The following VWC2L variants were observed in gnomAD, a reference collection of about 807,000 sequenced individuals.
VWC2L encodes von Willebrand factor C domain containing 2 like.
In VWC2L, 10 loss-of-function variants were observed where a neutral mutation model predicts 21.6. The ratio of observed to expected loss-of-function variants is 0.46; its 90% CI spans 0.29 to 0.78. The LOEUF (loss-of-function observed/expected upper bound fraction) is 0.78, where lower values mean the gene tolerates loss of function less well. Among genes scored for constraint, VWC2L ranks in the 30% least tolerant of loss-of-function variants. VWC2L has a pLI of 0.10. For missense variants in VWC2L, 209 were observed against 277.1 expected, an observed-to-expected ratio of 0.75 and a Z score of 1.74; for synonymous variants, 96 against 94.3, an observed-to-expected ratio of 1.02 and a Z score of -0.10.
chr2:214,514,895 T>C (rs1013441105), intron 3 of VWC2L, among the ~76,000 whole-genome samples: 1 of 152,232 alleles, frequency 6.6e-6, no homozygotes, highest in African/African-American at 2.4e-5. Flanking sequence ...AATTTGGGCT[T>C]TGTGCAGACT....
chr2:214,538,792 G>A (rs1032616663), intron 3 of VWC2L, among the ~76,000 whole-genome samples: 4 of 151,820 alleles, frequency 2.6e-5, no homozygotes, highest in East Asian at 3.9e-4. Context: ...TTTTGATACC[G>A]TACTTTGTCA....
intron 3 of VWC2L, among the ~76,000 whole-genome samples, chr2:214,514,774 G>T (rs1487839589): frequency 6.6e-6 from 1 of 152,126 alleles, no homozygotes. Context: ...TCACTTTTTG[G>T]TGAAAATGTG....
At chr2:214,556,472 A>G (rs888710508) in intron 3 of VWC2L, among the ~76,000 whole-genome samples, 1 of 152,056 alleles carries the variant, frequency 6.6e-6, no homozygotes, top group African/African-American at 2.4e-5. Context: ...GAACTTTCCT[A>G]TTTCATGAGA....
At chr2:214,472,195 T>C (rs1703319179) in intron 3 of VWC2L, 1 of 152,156 alleles carries the variant, frequency 6.6e-6, no homozygotes, top group African/African-American at 2.4e-5. Context: ...CCTGCAGCAA[T>C]GCCCCTAACC....
At chr2:214,521,524 A>T (rs1179719251) in intron 3 of VWC2L, among the ~76,000 whole-genome samples, 1 of 152,334 alleles carries the variant, frequency 6.6e-6, no homozygotes, top group East Asian at 1.9e-4. Context: ...AATCATAAAA[A>T]GCAATAAAAG....
intron 3 of VWC2L, among the ~76,000 whole-genome samples, chr2:214,572,639 A>T (rs1196969111): frequency 1.3e-5 from 2 of 152,204 alleles, no homozygotes; most frequent in Non-Finnish European, 2.9e-5. Context: ...ACTATTAAGG[A>T]AGAAGGGCTA....
At chr2:214,444,186 A>T (rs1415417463) in intron 3 of VWC2L, among the ~76,000 whole-genome samples, 1 of 152,092 alleles carries the variant, frequency 6.6e-6, no homozygotes, top group African/African-American at 2.4e-5. Context: ...TCAATGGGAG[A>T]AAGCAGGTTT....
chr2:214,550,411 CTTTT>C (rs1476064514), intron 3 of VWC2L, among the ~76,000 whole-genome samples: 1 of 152,122 alleles, frequency 6.6e-6, no homozygotes, highest in Non-Finnish European at 1.5e-5. Flanking sequence ...TTTATTCATT[CTTTT>C]ATTTCTAATG....
At chr2:214,558,319 T>C (rs1021898072) in intron 3 of VWC2L, among the ~76,000 whole-genome samples, 5 of 152,164 alleles carry the variant, frequency 3.3e-5, no homozygotes, top group African/African-American at 1.2e-4. Flanking sequence ...TGAATTCAAT[T>C]ACCATTCATT....
chr2:214,558,770 G>A (rs1283352433), intron 3 of VWC2L, among the ~76,000 whole-genome samples: 1 of 150,356 alleles, frequency 6.7e-6, no homozygotes, highest in Non-Finnish European at 1.5e-5. Flanking sequence ...TGTCGTGGTT[G>A]CAATTGCACC....
intron 3 of VWC2L, among the ~76,000 whole-genome samples, chr2:214,438,559 A>G (rs150710753): frequency 1.3e-5 from 2 of 152,230 alleles, no homozygotes; most frequent in East Asian, 3.9e-4. Context: ...TCATAGAATT[A>G]GAACATGTAA....
intron 3 of VWC2L, among the ~76,000 whole-genome samples, chr2:214,515,608 C>CA (rs1300579752): frequency 2.0e-5 from 3 of 152,148 alleles, no homozygotes; most frequent in African/African-American, 7.2e-5. Context: ...GACTAGAGTG[C>CA]AATGGCACAA....
intron 2 of VWC2L, among the ~76,000 whole-genome samples, chr2:214,419,593 A>G (rs1451459150): frequency 1.3e-5 from 2 of 152,242 alleles, no homozygotes; most frequent in East Asian, 1.9e-4. Flanking sequence ...TCTGCAGCCA[A>G]TTCCCAGTGT....
intron 3 of VWC2L, among the ~76,000 whole-genome samples, chr2:214,520,652 C>T (rs1356127537): frequency 2.0e-5 from 3 of 152,218 alleles, no homozygotes; most frequent in African/African-American, 7.2e-5. Flanking sequence ...GTGCCCACAA[C>T]TCTCACACTT....
At chr2:214,482,682 C>A (rs1688624328) in intron 3 of VWC2L, among the ~76,000 whole-genome samples, 2 of 149,172 alleles carry the variant, frequency 1.3e-5, no homozygotes, top group African/African-American at 4.9e-5. Context: ...TCTTTAATGG[C>A]CAGGCACTGT....
chr2:214,431,703 G>A (rs1702603263), intron 2 of VWC2L, among the ~76,000 whole-genome samples: 1 of 152,162 alleles, frequency 6.6e-6, no homozygotes, highest in South Asian at 2.1e-4. Flanking sequence ...GACTTGTTCT[G>A]AAAAAAGATT....
At chr2:214,511,849 ATATATATACTC>A (rs1559313382) in intron 3 of VWC2L, among the ~76,000 whole-genome samples, 4 of 146,538 alleles carry the variant, frequency 2.7e-5, no homozygotes, top group Admixed American at 6.9e-5. Context: ...TACACTTTAT[ATATATATACTC>A]TATATATATA....
rs5838434 is a variant in VWC2L at position 214,433,159 on chromosome 2, G to GATATATATATATATATATATATATATAT, written c.391-3446_391-3445insATATATATATATATATATATATATATAT. Reference sequence around the variant, plus strand: ...GATATATTAACTGCTCAAGCCACCTGATATATATATATATATATATATATT... The same window carrying GATATATATATATATATATATATATATAT: ...GATATATTAACTGCTCAAGCCACCTGATATATATATATATATATATATATATATATATATATATATATATATATATATT... On this transcript the variant is annotated intron_variant, in intron 2 of 3. Transcript: ENST00000312504. Among the ~76,000 whole-genome samples the GATATATATATATATATATATATATATAT allele has an allele frequency of 8.2e-4, 109 of 132,892 alleles. 1 individual carries two copies. The highest frequency in any genetic ancestry group is 2.2e-3 in the South Asian group (9 of 4,084). The allele number at this position is 132,892 out of a possible 152,430, so 87.2% of individuals were successfully genotyped here. A position where few individuals can be genotyped will look rare whatever the true frequency, so the allele number is the denominator to read the frequency against.
chr2:214,475,859 A>G (rs1688509397), intron 3 of VWC2L, among the ~76,000 whole-genome samples: 1 of 152,210 alleles, frequency 6.6e-6, no homozygotes, highest in Non-Finnish European at 1.5e-5. Flanking sequence ...ACTGATTGCA[A>G]AGGAACTAAA....
Sources: gnomAD v4.1 joint callset for allele counts (sites outside exome capture counted in the v4.1 genomes callset) on GRCh38, gnomAD v4.1.1 for gene constraint, MANE v1.5 for transcripts, NCBI Gene and HGNC (gene_info 2026-07-23, HGNC 2026-07-21) for gene names.